The following PRR16 variants were observed in gnomAD, a reference collection of about 807,000 sequenced individuals.
PRR16 encodes the protein protein Largen.
Under a neutral mutation model 18.2 loss-of-function variants are expected in PRR16, and 6 were observed. That is an observed-to-expected ratio of 0.33 (90% CI 0.18 to 0.65). PRR16 has a LOEUF of 0.65. Among genes scored for constraint, PRR16 ranks in the 30% least tolerant of loss-of-function variants. PRR16 has a pLI of 0.74. For missense variants in PRR16, 412 were observed against 376.6 expected (o/e 1.09, Z -0.78); for synonymous variants, 151 against 147.8 (o/e 1.02, Z -0.16).
At chr5:120,489,839 C>T (rs923931797) in intron 1 of PRR16, among the ~76,000 whole-genome samples, 2 of 152,258 alleles carry the variant, frequency 1.3e-5, no homozygotes. Flanking sequence ...TCTTTTAGGG[C>T]AGGCCTGGTG....
At chr5:120,779,436 C>T in the PRR16 span, among the ~76,000 whole-genome samples, 1 of 152,044 alleles carries the variant, frequency 6.6e-6, no homozygotes, top group African/African-American at 2.4e-5. Context: ...CAAAAAAACA[C>T]AACAAACTAT....
At chr5:120,573,422 T>C (rs898925104) in intron 1 of PRR16, among the ~76,000 whole-genome samples, 7 of 152,184 alleles carry the variant, frequency 4.6e-5, no homozygotes, top group Non-Finnish European at 1.0e-4. Flanking sequence ...CTGGCCATAG[T>C]TCACACCATT....
At chr5:120,568,727 T>A (rs888828870) in intron 1 of PRR16, among the ~76,000 whole-genome samples, 6 of 152,256 alleles carry the variant, frequency 3.9e-5, no homozygotes. Flanking sequence ...AACTTATACA[T>A]CAACACAAAT....
chr5:120,785,569 G>GTTTTTTTTTTTTTTTTTTTTTTTTT, the PRR16 span, among the ~76,000 whole-genome samples: 1 of 99,606 alleles, frequency 1.0e-5, no homozygotes, highest in African/African-American at 3.8e-5. Context: ...GTGTTTTGTT[G>GTTTTTTTTTTTTTTTTTTTTTTTTT]TTGTTGTTTT....
At chr5:120,744,201 A>C in the PRR16 span, among the ~76,000 whole-genome samples, 1 of 152,034 alleles carries the variant, frequency 6.6e-6, no homozygotes, top group Non-Finnish European at 1.5e-5. Flanking sequence ...AAGTTTTATG[A>C]GTTAAGGAGG....
At chr5:120,568,803 A>G (rs1752814691) in intron 1 of PRR16, among the ~76,000 whole-genome samples, 1 of 152,270 alleles carries the variant, frequency 6.6e-6, no homozygotes, top group South Asian at 2.1e-4. Context: ...CTAAATCACT[A>G]CATTAACTTT....
At chr5:120,666,472 C>G (rs971674372) in intron 1 of PRR16, among the ~76,000 whole-genome samples, 5 of 151,370 alleles carry the variant, frequency 3.3e-5, no homozygotes, top group Non-Finnish European at 7.4e-5. Context: ...CCTAATTGCC[C>G]TGGCCAGAAC....
chr5:120,708,977 A>C, the PRR16 span, among the ~76,000 whole-genome samples: 3 of 94,390 alleles, frequency 3.2e-5, no homozygotes, highest in African/African-American at 1.3e-4. Flanking sequence ...ACTCTTTGGT[A>C]CTTTTTTTTT....
At chr5:120,677,141 G>A (rs1756824357) in intron 1 of PRR16, among the ~76,000 whole-genome samples, 1 of 152,186 alleles carries the variant, frequency 6.6e-6, no homozygotes, top group Non-Finnish European at 1.5e-5. Flanking sequence ...GTTGTAGGCT[G>A]TATAATGAGG....
intron 1 of PRR16, among the ~76,000 whole-genome samples, chr5:120,619,738 AAC>A (rs1401485568): frequency 6.6e-6 from 1 of 152,102 alleles, no homozygotes; most frequent in South Asian, 2.1e-4. Flanking sequence ...ACCAAAAATT[AAC>A]AGTCTAAACT....
At chr5:120,762,527 C>G in the PRR16 span, among the ~76,000 whole-genome samples, 1 of 152,056 alleles carries the variant, frequency 6.6e-6, no homozygotes, top group Non-Finnish European at 1.5e-5. Context: ...AATGAAATCT[C>G]CCTATGTTGC....
chr5:120,530,284 T>TA (rs11410714), intron 1 of PRR16, among the ~76,000 whole-genome samples: 8,547 of 87,884 alleles, frequency 0.097, 433 homozygotes, highest in African/African-American at 0.2. Context: ...TATATATATA[T>TA]TTATTTATTT....
intron 1 of PRR16, among the ~76,000 whole-genome samples, chr5:120,549,362 C>T (rs1225709007): frequency 6.6e-6 from 1 of 152,068 alleles, no homozygotes; most frequent in East Asian, 1.9e-4. Flanking sequence ...TCGTTGTGAG[C>T]CACCACACCC....
At chr5:120,712,725 C>T in the PRR16 span, among the ~76,000 whole-genome samples, 230 of 152,122 alleles carry the variant, frequency 1.5e-3, 1 homozygote, top group African/African-American at 4.7e-3. Context: ...CTCAACATCA[C>T]TAATCATCAC....
the PRR16 span, among the ~76,000 whole-genome samples, chr5:120,735,396 A>G: frequency 2.6e-5 from 4 of 152,130 alleles, no homozygotes; most frequent in East Asian, 3.9e-4. Flanking sequence ...GGATATATAT[A>G]TATCAACAGT....
In PRR16 at chr5:120,585,017, A is replaced by G. The variant is rs76663073; in HGVS notation, c.160-100937A>G. On this transcript the variant is annotated intron_variant, in intron 1 of 1. Coordinates refer to ENST00000407149, the MANE Select transcript of PRR16 (RefSeq NM_001300783.2). Reference sequence around the variant, plus strand: ...CTAGATCATCTTAGCTGTTGTTTTCAGTCTCTCGAAAGTACTCTTTCAACT... The same window carrying G: ...CTAGATCATCTTAGCTGTTGTTTTCGGTCTCTCGAAAGTACTCTTTCAACT... 9.6e-3 allele frequency among the ~76,000 whole-genome samples: 1,463 copies of G among 152,262 alleles called. 21 individuals are homozygous for G. Among genetic ancestry groups the G allele is most frequent in the African/African-American group, 0.033 (1,383 of 41,552 alleles).
intron 1 of PRR16, among the ~76,000 whole-genome samples, chr5:120,537,769 G>GTTATTTTTTTTTT (rs1561536413): frequency 8.7e-6 from 1 of 115,198 alleles, no homozygotes; most frequent in Non-Finnish European, 1.7e-5. Context: ...AATTTTTAAT[G>GTTATTTTTTTTTT]TTTTTTTTTT....
intron 1 of PRR16, among the ~76,000 whole-genome samples, chr5:120,537,001 A>G (rs1379528152): frequency 4.6e-5 from 7 of 152,194 alleles, no homozygotes; most frequent in Non-Finnish European, 7.3e-5. Flanking sequence ...TTGAGAACTC[A>G]TGAACACAAA....
At chr5:120,557,245 A>C (rs2112710719) in intron 1 of PRR16, among the ~76,000 whole-genome samples, 1 of 151,968 alleles carries the variant, frequency 6.6e-6, no homozygotes, top group South Asian at 2.1e-4. Flanking sequence ...CATAAAAGGA[A>C]GTTTTCAGTA....
Sources: allele counts gnomAD v4.1 joint callset (sites outside exome capture counted in the v4.1 genomes callset), GRCh38; gene constraint gnomAD v4.1.1; transcripts MANE v1.5; gene names NCBI Gene and HGNC (gene_info 2026-07-23, HGNC 2026-07-21).